The following ADGRB1 variants were observed in gnomAD, a reference collection of about 807,000 sequenced individuals.
The protein encoded by ADGRB1 is adhesion G protein-coupled receptor B1.
A neutral mutation model predicts 175.7 loss-of-function variants in ADGRB1; 36 were observed. That is an observed-to-expected ratio of 0.20 (90% CI 0.16 to 0.27). The LOEUF (loss-of-function observed/expected upper bound fraction) is 0.27, where lower values mean the gene tolerates loss of function less well. ADGRB1 is among the 10% of genes least tolerant of loss of function. The pLI, the probability that ADGRB1 is intolerant of heterozygous loss-of-function variation, is 1.00. For missense variants in ADGRB1, 1,731 were observed against 2,255.3 expected, an observed-to-expected ratio of 0.77 and a Z score of 4.71; for synonymous variants, 1,054 against 979.4, an observed-to-expected ratio of 1.08 and a Z score of -1.42.
At chr8:142,462,674 G>C (rs1172850117) in intron 1 of ADGRB1, among the ~76,000 whole-genome samples, 1 of 152,258 alleles carries the variant, frequency 6.6e-6, no homozygotes, top group Admixed American at 6.5e-5. Context: ...CCGTGGGCGG[G>C]CGACCGGCAT....
Position 142,493,416 on chromosome 8 carries a change from C to T in ADGRB1, c.2675+2601C>T, listed in dbSNP as rs150530218. ...TGTTTGGCGTCCGCGTGGCCTCTGT[C>T]GACCCTAAAAGTCACAGGTGTGGGG... On this transcript the variant is annotated intron_variant, in intron 17 of 30. Coordinates refer to ENST00000517894, the MANE Select transcript of ADGRB1 (RefSeq NM_001702.3). This position sits in a 1 kb window ranked among gnomAD's most constrained non-coding sequence, Gnocchi z 5.0. Among the ~76,000 whole-genome samples the T allele has an allele frequency of 5.9e-5, 9 of 152,222 alleles. No individual in the cohort carries two copies. The highest frequency in any genetic ancestry group is 8.8e-5 in the Non-Finnish European group (6 of 68,006).
chr8:142,511,556 C>G lies in ADGRB1; in HGVS notation c.2817+483C>G, dbSNP rs1045147389. 4.6e-5 allele frequency among the ~76,000 whole-genome samples: 7 copies of G among 152,274 alleles called. No individual in the cohort carries two copies. The highest frequency in any genetic ancestry group is 3.3e-4 in the Admixed American group (5 of 15,310). On this transcript the variant is annotated intron_variant, in intron 18 of 30. Transcript: ENST00000517894. The surrounding 1 kb of genome is among the most constrained non-coding windows in gnomAD (Gnocchi z 4.5). The stretch of plus-strand genomic sequence containing the variant: ...GCCTGGTCCGTGGAGGAGGAGGTGG[C>G]GGTGGCCCCAGGCAGGGGCCCTGGC...
intron 25 of ADGRB1, 77 bp from the exon 26 acceptor site, chr8:142,536,910 G>A (rs1844962228): frequency 3.9e-6 from 5 of 1,278,224 alleles, no homozygotes; most frequent in Non-Finnish European, 4.3e-6. Flanking sequence ...CCCCCCACAG[G>A]TGCTGCTCAT....
chr8:142,510,566 CGGGGGCGCGGGCCCCGGAGGAGCT>C lies in ADGRB1; in HGVS notation c.2676-358_2676-335del, dbSNP rs1843036736. Among the ~76,000 whole-genome samples, 1 of 147,210 alleles carries C rather than the reference CGGGGGCGCGGGCCCCGGAGGAGCT, an allele frequency of 6.8e-6. No individual in the cohort carries two copies. The highest frequency in any genetic ancestry group is 2.5e-5 in the African/African-American group (1 of 40,736). The stretch of plus-strand genomic sequence containing the variant: ...GCCTCCCCCTCCTTCCCGCGCGGGC[CGGGGGCGCGGGCCCCGGAGGAGCT>C]GGGGGCGGCGGGGGCGCGGGGCGGG... On this transcript the variant is annotated intron_variant, in intron 17 of 30. Transcript: ENST00000517894. This position sits in a 1 kb window ranked among gnomAD's most constrained non-coding sequence, Gnocchi z 6.3.
At chr8:142,479,107 G>A (rs1300335464) in intron 7 of ADGRB1, 1 of 482,030 alleles carries the variant, frequency 2.1e-6, no homozygotes, top group Admixed American at 4.0e-5. Context: ...GCTGCATGTG[G>A]GGTGTTTGCT....
At chr8:142,489,676 G>C (rs898432037) in intron 16 of ADGRB1, among the ~76,000 whole-genome samples, 3 of 152,160 alleles carry the variant, frequency 2.0e-5, no homozygotes, top group South Asian at 2.1e-4. Flanking sequence ...CCCCACCTGG[G>C]CTCCAACCAC....
intron 20 of ADGRB1, among the ~76,000 whole-genome samples, chr8:142,521,762 G>T (rs977336184): frequency 6.6e-6 from 1 of 152,248 alleles, no homozygotes; most frequent in South Asian, 2.1e-4. Context: ...GGATCTGTTT[G>T]TCCCAACGGG....
chr8:142,456,028 CG>C (rs995967571), intron 1 of ADGRB1, among the ~76,000 whole-genome samples: 4 of 152,068 alleles, frequency 2.6e-5, no homozygotes, highest in Non-Finnish European at 4.4e-5. Flanking sequence ...AGTTCCAGCT[CG>C]GGGGTAATGG....
intron 13 of ADGRB1, 34 bp from the exon 14 acceptor site, chr8:142,488,328 CCT>C (rs1313254643): frequency 2.5e-6 from 4 of 1,610,694 alleles, no homozygotes; most frequent in Non-Finnish European, 3.4e-6. Context: ...GACTTTCCCT[CCT>C]CTCTGTCTCT....
intron 2 of ADGRB1, among the ~76,000 whole-genome samples, chr8:142,469,236 TG>T (rs1318656072): frequency 6.6e-6 from 1 of 151,706 alleles, no homozygotes; most frequent in African/African-American, 2.4e-5. Context: ...AATGTGAATG[TG>T]TGCACACATG....
At chr8:142,456,309 CTG>C (rs1277459535) in intron 1 of ADGRB1, among the ~76,000 whole-genome samples, 1 of 152,156 alleles carries the variant, frequency 6.6e-6, no homozygotes, top group Non-Finnish European at 1.5e-5. Flanking sequence ...GCAACTCACT[CTG>C]TGCGCACACA....
At chr8:142,468,714 C>T (rs760716196) in intron 2 of ADGRB1, among the ~76,000 whole-genome samples, 1 of 152,222 alleles carries the variant, frequency 6.6e-6, no homozygotes, top group Admixed American at 6.5e-5. Flanking sequence ...CCAGTCCTCA[C>T]GCACATGTGA....
intron 27 of ADGRB1, among the ~76,000 whole-genome samples, chr8:142,540,975 T>C (rs1845237879): frequency 6.6e-6 from 1 of 151,752 alleles, no homozygotes; most frequent in Admixed American, 6.6e-5. Flanking sequence ...TTGGGGGGCA[T>C]TGGTGACCCT....
chr8:142,501,479 A>AGGG (rs1842536434), intron 17 of ADGRB1, among the ~76,000 whole-genome samples: 1 of 110,548 alleles, frequency 9.0e-6, no homozygotes, highest in African/African-American at 3.8e-5. Flanking sequence ...GGTGGTGGTG[A>AGGG]TGATGGGGTG....
intron 17 of ADGRB1, among the ~76,000 whole-genome samples, chr8:142,495,881 G>A (rs1842187670): frequency 7.0e-6 from 1 of 143,054 alleles, no homozygotes; most frequent in South Asian, 2.4e-4. Context: ...ATGGATGGAT[G>A]GATGAGTAGA....
intron 3 of ADGRB1, among the ~76,000 whole-genome samples, chr8:142,475,896 C>CAGGGCTGGCCCGTGGGAGTG (rs1554606852): frequency 6.9e-6 from 1 of 145,216 alleles, no homozygotes; most frequent in Non-Finnish European, 1.5e-5. Context: ...GACCTAAACT[C>CAGGGCTGGCCCGTGGGAGTG]GGGGCTGGCC....
In ADGRB1 at chr8:142,500,173, G is replaced by A. The variant is rs549595276; in HGVS notation, c.2675+9358G>A. Among the ~76,000 whole-genome samples, 7 of 150,708 alleles carry A rather than the reference G, an allele frequency of 4.6e-5. No homozygotes were observed. The South Asian group carries it at 1.5e-3, about 31-fold the overall frequency. The stretch of plus-strand genomic sequence containing the variant: ...TGCCTGGGATCGGGGCAGGCAGGCT[G>A]GACATTTGTGTTTCGCCCCCGCCCC... On this transcript the variant is annotated intron_variant, in intron 17 of 30. Coordinates refer to ENST00000517894, the MANE Select transcript of ADGRB1 (RefSeq NM_001702.3).
intron 1 of ADGRB1, among the ~76,000 whole-genome samples, chr8:142,460,426 C>T (rs539842208): frequency 6.6e-6 from 1 of 152,226 alleles, no homozygotes; most frequent in African/African-American, 2.4e-5. Flanking sequence ...GCTGGGCCGG[C>T]CTTCCGGCCA....
chr8:142,465,218 C>T (rs996046202), intron 2 of ADGRB1, among the ~76,000 whole-genome samples: 1 of 152,210 alleles, frequency 6.6e-6, no homozygotes, highest in East Asian at 1.9e-4. Flanking sequence ...TCCATCCACC[C>T]GTGCACAGAG....
Sources: allele counts gnomAD v4.1 joint callset (sites outside exome capture counted in the v4.1 genomes callset), GRCh38; gene constraint gnomAD v4.1.1; non-coding constraint Gnocchi (gnomAD v3.1); transcripts MANE v1.5; gene names NCBI Gene and HGNC (gene_info 2026-07-23, HGNC 2026-07-21).